The following SDK1 variants were observed in gnomAD, a reference collection of about 807,000 sequenced individuals.
SDK1 encodes the protein sidekick cell adhesion molecule 1, also known as protein sidekick-1.
A neutral mutation model predicts 245.5 loss-of-function variants in SDK1; 157 were observed. The ratio of observed to expected loss-of-function variants is 0.64; its 90% CI spans 0.56 to 0.73. The LOEUF is 0.73. SDK1 is among the 30% of genes least tolerant of loss of function. The probability of loss-of-function intolerance (pLI) is 0.00; values close to 1 mark genes in which losing one functional copy is unlikely to be tolerated. For synonymous variants in SDK1, 1,647 were observed against 1,278.5 expected (o/e 1.29, Z -6.15); for missense variants, 3,583 against 3,002.3 (o/e 1.19, Z -4.52).
chr7:4,021,387 G>A (rs1211302402), intron 17 of SDK1, among the ~76,000 whole-genome samples: 1 of 152,134 alleles, frequency 6.6e-6, no homozygotes, highest in Non-Finnish European at 1.5e-5. Flanking sequence ...CAGAGTTTGT[G>A]GCTATCTGTG....
At chr7:4,007,247 G>T (rs1286959174) in intron 14 of SDK1, among the ~76,000 whole-genome samples, 1 of 152,210 alleles carries the variant, frequency 6.6e-6, no homozygotes, top group Non-Finnish European at 1.5e-5. Flanking sequence ...ACTGTTACCG[G>T]GGGCTGGTAG....
intron 5 of SDK1, among the ~76,000 whole-genome samples, chr7:3,878,748 C>G (rs1781134830): frequency 6.6e-6 from 1 of 151,998 alleles, no homozygotes; most frequent in Non-Finnish European, 1.5e-5. Context: ...TCTCACCCAC[C>G]TTCTCATATT....
At chr7:3,848,136 T>C (rs559599713) in intron 5 of SDK1, among the ~76,000 whole-genome samples, 1 of 152,380 alleles carries the variant, frequency 6.6e-6, no homozygotes, top group South Asian at 2.1e-4. Flanking sequence ...ATGATAGTTC[T>C]TATGACACAG....
intron 1 of SDK1, among the ~76,000 whole-genome samples, chr7:3,438,087 AC>A (rs1379242097): frequency 6.6e-6 from 1 of 152,128 alleles, no homozygotes; most frequent in East Asian, 1.9e-4. Flanking sequence ...GCTAACCCGC[AC>A]CCCAGATCTC....
intron 1 of SDK1, among the ~76,000 whole-genome samples, chr7:3,409,917 C>G (rs936315239): frequency 2.0e-5 from 3 of 152,056 alleles, no homozygotes; most frequent in African/African-American, 7.2e-5. Flanking sequence ...AGTGACAGCA[C>G]AGAGGTGATC....
chr7:3,653,280 C>T (rs956336803), intron 4 of SDK1, among the ~76,000 whole-genome samples: 4 of 152,198 alleles, frequency 2.6e-5, no homozygotes, highest in African/African-American at 7.2e-5. Context: ...TTCCCCTTCC[C>T]TCCTCACTCC....
At chr7:4,119,857 A>G (rs914767994) in intron 25 of SDK1, among the ~76,000 whole-genome samples, 1 of 149,222 alleles carries the variant, frequency 6.7e-6, no homozygotes, top group Admixed American at 6.7e-5. Context: ...GAGGGCTTCA[A>G]TTACATTAAC....
At chr7:3,910,090 G>A (rs931829745) in intron 5 of SDK1, among the ~76,000 whole-genome samples, 1 of 152,146 alleles carries the variant, frequency 6.6e-6, no homozygotes, top group Admixed American at 6.5e-5. Context: ...TTTGCAGGGG[G>A]AAAAAGAAAA....
At chr7:3,432,881 G>T (rs1194369708) in intron 1 of SDK1, among the ~76,000 whole-genome samples, 7 of 152,160 alleles carry the variant, frequency 4.6e-5, no homozygotes, top group African/African-American at 1.4e-4. Flanking sequence ...TGCTTTTCTA[G>T]GAAGAATTTC....
intron 20 of SDK1, among the ~76,000 whole-genome samples, chr7:4,075,656 CTT>C (rs1367898161): frequency 4.3e-4 from 60 of 141,046 alleles, no homozygotes; most frequent in Admixed American, 6.4e-4. Context: ...CTTATTTCTC[CTT>C]TTTTTTTTTT....
chr7:3,855,108 G>C (rs1780513226), intron 5 of SDK1, among the ~76,000 whole-genome samples: 1 of 152,062 alleles, frequency 6.6e-6, no homozygotes, highest in Admixed American at 6.6e-5. Context: ...CTTTTCTAGT[G>C]AGCTGGGAGG....
At chr7:3,919,096 A>C (rs890709388) in intron 5 of SDK1, among the ~76,000 whole-genome samples, 7 of 152,182 alleles carry the variant, frequency 4.6e-5, no homozygotes, top group Admixed American at 2.6e-4. Flanking sequence ...ATTATTAACT[A>C]TATTCCATCT....
At chr7:3,546,242 C>T (rs910398134) in intron 1 of SDK1, among the ~76,000 whole-genome samples, 12 of 152,046 alleles carry the variant, frequency 7.9e-5, no homozygotes, top group East Asian at 1.9e-4. Context: ...CACACTGTAA[C>T]GAACAATGAT....
In SDK1 at chr7:3,962,723, G is replaced by A. The variant is rs202020244; in HGVS notation, c.1301G>A (p.Arg434Gln). The A allele has an allele frequency of 2.2e-5, 36 of 1,613,634 alleles. No homozygotes were observed. Among genetic ancestry groups the A allele is most frequent in the Middle Eastern group, 3.3e-4 (2 of 6,082 alleles). ...AISISRLQNP[R>Q]YKVLASGGLR... ...TCCATCAGCAGGCTCCAGAATCCTC[G>A]ATACAAAGTGCTCGCCAGCGGAGGC... is the stretch of plus-strand genomic sequence containing the variant. Residue 434 changes from arginine to glutamine, a missense_variant, in exon 9 of 45, where the codon CGA (arginine) becomes CAA (glutamine). By Grantham distance (43) the Arg-to-Gln change is conservative. Transcript: ENST00000404826.
intron 13 of SDK1, among the ~76,000 whole-genome samples, chr7:3,981,916 G>T (rs1420520407): frequency 1.3e-5 from 2 of 152,224 alleles, no homozygotes; most frequent in Non-Finnish European, 2.9e-5. Flanking sequence ...GAACAGTGAC[G>T]AGGGTGGCTA....
chr7:4,107,671 A>C (rs1017889037), intron 22 of SDK1, among the ~76,000 whole-genome samples: 4 of 151,898 alleles, frequency 2.6e-5, no homozygotes, highest in Non-Finnish European at 5.9e-5. Flanking sequence ...GTAAAATCCA[A>C]CTGAAAAAAT....
intron 14 of SDK1, among the ~76,000 whole-genome samples, chr7:3,989,121 T>A (rs1169311974): frequency 2.0e-5 from 3 of 152,274 alleles, no homozygotes; most frequent in East Asian, 3.9e-4. Flanking sequence ...ATTAGTCGGT[T>A]TTCACACTGC....
At chr7:3,697,202 A>C (rs1463092213) in intron 4 of SDK1, among the ~76,000 whole-genome samples, 1 of 152,220 alleles carries the variant, frequency 6.6e-6, no homozygotes, top group Non-Finnish European at 1.5e-5. Flanking sequence ...AAACAATGAT[A>C]ATGATTCTGT....
chr7:3,845,448 C>T (rs1027378980), intron 5 of SDK1, among the ~76,000 whole-genome samples: 2 of 146,830 alleles, frequency 1.4e-5, no homozygotes, highest in African/African-American at 5.2e-5. Context: ...CGAGATCGCG[C>T]CACTGCACTC....
Sources: gnomAD v4.1 joint callset for allele counts (sites outside exome capture counted in the v4.1 genomes callset) on GRCh38, gnomAD v4.1.1 for gene constraint, MANE v1.5 for transcripts, NCBI Gene and HGNC (gene_info 2026-07-23, HGNC 2026-07-21) for gene names.